Variants in CACNA1A observed in about 807,000 individuals in gnomAD.
The protein encoded by CACNA1A is voltage-dependent P/Q-type calcium channel subunit alpha-1A.
CACNA1A carries 57 observed loss-of-function variants against 262.4 expected under a neutral mutation model. The observed-to-expected ratio is 0.22, with a 90% CI of 0.18 to 0.27. The LOEUF is 0.27. CACNA1A is among the 10% of genes least tolerant of loss of function. CACNA1A has a pLI of 1.00. For synonymous variants in CACNA1A, 1,431 were observed against 1,419.3 expected (o/e 1.01, Z -0.18); for missense variants, 2,526 against 3,562.8 (o/e 0.71, Z 7.41).
Position 13,392,039 on chromosome 19 carries a change from A to G in CACNA1A, c.540-20260T>C, listed in dbSNP as rs561031750. Among the ~76,000 whole-genome samples the G allele has an allele frequency of 1.3e-4, 19 of 151,052 alleles. No homozygotes were observed. In the East Asian group the frequency reaches 3.3e-3, roughly 26 times the overall value. On this transcript the variant is annotated intron_variant, in intron 3 of 46. Coordinates refer to ENST00000360228, the MANE Select transcript of CACNA1A (RefSeq NM_001127222.2). ...GGGTGAGACCATGTCTCAAAAAAAAAAAAAAAAAGAAAAAAAAGAAAATCA... is the reference window on the plus strand; with the variant it reads ...GGGTGAGACCATGTCTCAAAAAAAAGAAAAAAAAGAAAAAAAAGAAAATCA...
chr19:13,213,030 G>C (rs1464937669), intron 40 of CACNA1A, among the ~76,000 whole-genome samples: 1 of 152,066 alleles, frequency 6.6e-6, no homozygotes, highest in African/African-American at 2.4e-5. Context: ...GCCACCAGAG[G>C]GCGCCCATGA....
chr19:13,225,004 C>T, intron 37 of CACNA1A: 1 of 463,776 alleles, frequency 2.2e-6, no homozygotes, highest in Non-Finnish European at 3.9e-6. Flanking sequence ...CCTTTTTTCC[C>T]CCACCTGCTT....
chr19:13,498,340 T>C (rs1359042099), intron 1 of CACNA1A, among the ~76,000 whole-genome samples: 19 of 152,116 alleles, frequency 1.2e-4, no homozygotes, highest in Non-Finnish European at 2.8e-4. Context: ...TAAAAATCAG[T>C]TTAAAATTAC....
At chr19:13,466,827 C>A (rs945122132) in intron 1 of CACNA1A, among the ~76,000 whole-genome samples, 8 of 151,940 alleles carry the variant, frequency 5.3e-5, no homozygotes, top group Non-Finnish European at 1.0e-4. Flanking sequence ...TTTAGAGAAG[C>A]ATGATATGGA....
In CACNA1A at chr19:13,235,604, G is replaced by C. The variant is rs549805937; in HGVS notation, c.5067+10C>G. ...TCAGCCCTGGGCCAGCAGCAGGGAC[G>C]AGGACTCACCTTGAAGGACTGCACA... On this transcript the variant is annotated intron_variant, in intron 32 of 46. Transcript: ENST00000360228. 4 of 1,582,672 alleles carry C rather than the reference G, an allele frequency of 2.5e-6. No homozygotes were observed. Among genetic ancestry groups the C allele is most frequent in the Non-Finnish European group, 3.5e-6 (4 of 1,151,480 alleles).
At chr19:13,276,382 C>G (rs1304698510) in intron 23 of CACNA1A, among the ~76,000 whole-genome samples, 1 of 152,216 alleles carries the variant, frequency 6.6e-6, no homozygotes, top group Non-Finnish European at 1.5e-5. Flanking sequence ...CACAGGTCCT[C>G]TGGCTTCCCA....
At chr19:13,363,039 A>G (rs528311398) in intron 5 of CACNA1A, 3 of 152,132 alleles carry the variant, frequency 2.0e-5, no homozygotes, top group African/African-American at 7.2e-5. Flanking sequence ...GTGTCTGTAT[A>G]TATCTGTCTC....
At chr19:13,270,023 C>A (rs552244427) in intron 24 of CACNA1A, among the ~76,000 whole-genome samples, 7 of 152,290 alleles carry the variant, frequency 4.6e-5, no homozygotes, top group African/African-American at 1.4e-4. Context: ...CTGGATCTCG[C>A]AGCCCTGCCA....
At chr19:13,215,413 G>T (rs2054972745) in intron 38 of CACNA1A, among the ~76,000 whole-genome samples, 1 of 148,030 alleles carries the variant, frequency 6.8e-6, no homozygotes, top group Non-Finnish European at 1.5e-5. Context: ...TCTGCCTCCT[G>T]GGTTCAAGCG....
intron 1 of CACNA1A, among the ~76,000 whole-genome samples, chr19:13,458,869 A>G (rs1040174937): frequency 1.3e-5 from 2 of 152,234 alleles, no homozygotes; most frequent in Non-Finnish European, 2.9e-5. Flanking sequence ...AGGAGGTGTA[A>G]GCGCTGGAGA....
At chr19:13,395,718 G>C (rs2059798947) in intron 3 of CACNA1A, among the ~76,000 whole-genome samples, 1 of 152,104 alleles carries the variant, frequency 6.6e-6, no homozygotes, top group Non-Finnish European at 1.5e-5. Flanking sequence ...CAGAAGGAAT[G>C]CATGCTCTGA....
intron 1 of CACNA1A, among the ~76,000 whole-genome samples, chr19:13,467,926 A>G (rs2061283081): frequency 6.6e-6 from 1 of 151,834 alleles, no homozygotes; most frequent in Non-Finnish European, 1.5e-5. Flanking sequence ...TTTTCTGGAT[A>G]TTTACAGGGC....
intron 3 of CACNA1A, among the ~76,000 whole-genome samples, chr19:13,380,238 C>T (rs1280694761): frequency 4.1e-5 from 4 of 98,002 alleles, no homozygotes; most frequent in African/African-American, 1.3e-4. Context: ...GAGCAGAGAT[C>T]GCGCCACTGC....
chr19:13,278,194 C>A (rs1166841031), intron 22 of CACNA1A, among the ~76,000 whole-genome samples: 1 of 152,130 alleles, frequency 6.6e-6, no homozygotes, highest in African/African-American at 2.4e-5. Flanking sequence ...GCACATCCTT[C>A]CCCTGCTTAC....
At chr19:13,453,538 C>A (rs1419867119) in intron 2 of CACNA1A, among the ~76,000 whole-genome samples, 1 of 152,202 alleles carries the variant, frequency 6.6e-6, no homozygotes, top group Non-Finnish European at 1.5e-5. Context: ...ATTGACCTCA[C>A]TCCTAAATCT....
At chr19:13,255,705 T>TCCCTCCCTCCCTCCTTCTC (rs2056532573) in intron 28 of CACNA1A, among the ~76,000 whole-genome samples, 7 of 31,902 alleles carry the variant, frequency 2.2e-4, no homozygotes, top group Admixed American at 3.5e-4. Context: ...CCCTCCTTCC[T>TCCCTCCCTCCCTCCTTCTC]TCCCTCCCTC....
intron 1 of CACNA1A, among the ~76,000 whole-genome samples, chr19:13,502,607 C>G (rs1982521495): frequency 6.6e-6 from 1 of 152,108 alleles, no homozygotes; most frequent in Non-Finnish European, 1.5e-5. Flanking sequence ...GGTGTGTGGT[C>G]AAGACGGCTT....
Position 13,360,106 on chromosome 19 carries a change from T to C in CACNA1A, c.785-307A>G, listed in dbSNP as rs533685152. Among the ~76,000 whole-genome samples, 5 of 151,916 alleles carry C rather than the reference T, an allele frequency of 3.3e-5. No individual in the cohort carries two copies. The East Asian group carries it at 9.7e-4, about 29-fold the overall frequency. ...TTTAAGGCTATAAATTGCCTTTAAG[T>C]GTGGCTTTACCTGCATCTCAACATT... On this transcript the variant is annotated intron_variant, in intron 5 of 46. Coordinates refer to ENST00000360228, the MANE Select transcript of CACNA1A (RefSeq NM_001127222.2).
chr19:13,407,705 C>T (rs531469819), intron 3 of CACNA1A, among the ~76,000 whole-genome samples: 3 of 152,274 alleles, frequency 2.0e-5, no homozygotes, highest in South Asian at 2.1e-4. Context: ...TTTGCTGTAA[C>T]AATGCTTAAT....
Sources: allele counts gnomAD v4.1 joint callset (sites outside exome capture counted in the v4.1 genomes callset), GRCh38; gene constraint gnomAD v4.1.1; transcripts MANE v1.5; gene names NCBI Gene and HGNC (gene_info 2026-07-23, HGNC 2026-07-21).